SNX29: variants seen among roughly 807,000 people sequenced by gnomAD.
The protein encoded by SNX29 is sorting nexin-29.
A neutral mutation model predicts 102.1 loss-of-function variants in SNX29; 78 were observed. The observed-to-expected ratio is 0.76, with a 90% CI of 0.64 to 0.92. The LOEUF is 0.92. SNX29 is among the 40% of genes least tolerant of loss of function. The pLI, the probability that SNX29 is intolerant of heterozygous loss-of-function variation, is 0.00. For synonymous variants in SNX29, 580 were observed against 414.5 expected, an observed-to-expected ratio of 1.40 and a Z score of -4.85; for missense variants, 1,280 against 1,061.7, an observed-to-expected ratio of 1.21 and a Z score of -2.86.
At chr16:12,125,024 G>T (rs888942987) in intron 11 of SNX29, among the ~76,000 whole-genome samples, 3 of 152,184 alleles carry the variant, frequency 2.0e-5, no homozygotes, top group Non-Finnish European at 4.4e-5. Flanking sequence ...GGGCTGCGCG[G>T]CTCAGGGGAG....
chr16:12,550,673 A>C (rs2077917649), intron 20 of SNX29, among the ~76,000 whole-genome samples: 1 of 152,152 alleles, frequency 6.6e-6, no homozygotes, highest in South Asian at 2.1e-4. Context: ...CAAGGTGGGA[A>C]GACTCACTTT....
chr16:12,326,690 G>C (rs2081130831), intron 15 of SNX29, among the ~76,000 whole-genome samples: 1 of 152,164 alleles, frequency 6.6e-6, no homozygotes, highest in African/African-American at 2.4e-5. Flanking sequence ...TTGGATTTAA[G>C]TCACTCCCAA....
At chr16:12,275,249 T>C (rs1434064970) in intron 14 of SNX29, among the ~76,000 whole-genome samples, 1 of 152,150 alleles carries the variant, frequency 6.6e-6, no homozygotes, top group East Asian at 1.9e-4. Flanking sequence ...ATTCCCTGGC[T>C]TAGAGGCACA....
chr16:12,333,981 T>C (rs1161477491), intron 15 of SNX29, among the ~76,000 whole-genome samples: 1 of 152,186 alleles, frequency 6.6e-6, no homozygotes, highest in Non-Finnish European at 1.5e-5. Flanking sequence ...GGATGTTCCT[T>C]GTCTTCCCCT....
At chr16:12,522,385 T>C (rs2151950940) in intron 19 of SNX29, among the ~76,000 whole-genome samples, 1 of 152,344 alleles carries the variant, frequency 6.6e-6, no homozygotes, top group Non-Finnish European at 1.5e-5. Flanking sequence ...TGGCAAGGCT[T>C]TGTGGGAACT....
At chr16:12,562,087 T>C (rs1465220739) in intron 20 of SNX29, among the ~76,000 whole-genome samples, 7 of 152,166 alleles carry the variant, frequency 4.6e-5, no homozygotes, top group Non-Finnish European at 8.8e-5. Context: ...CCCAGTAGTT[T>C]GAACCGCATT....
chr16:12,085,749 A>C (rs1596821627), intron 11 of SNX29, among the ~76,000 whole-genome samples: 1 of 152,232 alleles, frequency 6.6e-6, no homozygotes, highest in Admixed American at 6.5e-5. Context: ...ACTGTATGCC[A>C]TGTATGGTGC....
rs750186869 is a variant in SNX29, at chr16:12,308,549, A to C, written c.1782+30513A>C. On this transcript the variant is annotated intron_variant, in intron 15 of 20. Coordinates refer to ENST00000566228, the MANE Select transcript of SNX29 (RefSeq NM_032167.5). ...CGTCATCCCTCCTTCATGTTTGTCAACTTGTTGTGCACTCCTCCGGAGTGC... is the reference window on the plus strand; with the variant it reads ...CGTCATCCCTCCTTCATGTTTGTCACCTTGTTGTGCACTCCTCCGGAGTGC... Among the ~76,000 whole-genome samples the C allele has an allele frequency of 1.7e-4, 26 of 152,040 alleles. 1 individual carries two copies. The highest frequency in any genetic ancestry group is 3.4e-4 in the Non-Finnish European group (23 of 68,020).
intron 20 of SNX29, among the ~76,000 whole-genome samples, chr16:12,540,847 C>T (rs908749577): frequency 5.3e-5 from 8 of 152,208 alleles, no homozygotes; most frequent in Non-Finnish European, 1.0e-4. Context: ...TCGCCTCCAC[C>T]CTTTCTGAGC....
At chr16:12,213,826 G>T (rs1242245728) in intron 14 of SNX29, among the ~76,000 whole-genome samples, 1 of 152,170 alleles carries the variant, frequency 6.6e-6, no homozygotes, top group Non-Finnish European at 1.5e-5. Context: ...ACCCCAAATT[G>T]CAAGGTGGGC....
chr16:12,136,735 GTTGTTA>G (rs1410128474), intron 13 of SNX29, among the ~76,000 whole-genome samples: 4 of 151,964 alleles, frequency 2.6e-5, no homozygotes, highest in East Asian at 3.9e-4. Context: ...AAAGGTTTTT[GTTGTTA>G]TTGTTGTTGT....
intron 13 of SNX29, among the ~76,000 whole-genome samples, chr16:12,187,791 A>C (rs1227505624): frequency 2.0e-5 from 3 of 152,124 alleles, no homozygotes; most frequent in African/African-American, 7.2e-5. Context: ...TCACATTGGT[A>C]CATTAGGGTA....
At chr16:12,283,133 T>C (rs1567395111) in intron 15 of SNX29, among the ~76,000 whole-genome samples, 1 of 152,158 alleles carries the variant, frequency 6.6e-6, no homozygotes, top group Non-Finnish European at 1.5e-5. Context: ...CAACTCAATT[T>C]GTGCACATCC....
At chr16:12,542,422 G>C (rs140215152) in intron 20 of SNX29, among the ~76,000 whole-genome samples, 1 of 152,150 alleles carries the variant, frequency 6.6e-6, no homozygotes, top group Non-Finnish European at 1.5e-5. Context: ...TACAGCCTTC[G>C]CCTCCCAAGT....
At chr16:12,049,332 ACTT>A (rs1467054710) in intron 7 of SNX29, among the ~76,000 whole-genome samples, 6 of 124,658 alleles carry the variant, frequency 4.8e-5, no homozygotes, top group African/African-American at 1.6e-4. Flanking sequence ...CAATTTTTTA[ACTT>A]TTTTTTTTTT....
At chr16:11,981,229 C>A (rs569124949) in intron 1 of SNX29, among the ~76,000 whole-genome samples, 1 of 152,248 alleles carries the variant, frequency 6.6e-6, no homozygotes, top group East Asian at 1.9e-4. Context: ...CTCAGCCTCC[C>A]AAAGTGCTGG....
rs115089058 is a variant in SNX29 at position 12,309,704 on chromosome 16, G to A, written c.1782+31668G>A. Among the ~76,000 whole-genome samples the A allele has an allele frequency of 7.3e-3, 1,115 of 152,322 alleles. 15 individuals carry two copies. The highest frequency in any genetic ancestry group is 0.025 in the African/African-American group (1,058 of 41,564). ...GGTGGGTTCTCACTCGTTACTTGAA[G>A]TGAATGTGTTCAACACTCTTAAATC... On this transcript the variant is annotated intron_variant, in intron 15 of 20. Transcript: ENST00000566228.
Position 12,573,526 on chromosome 16 carries a change from T to C in SNX29, c.*4897T>C, listed in dbSNP as rs1028008918. On this transcript the variant is annotated 3_prime_UTR_variant, in exon 21 of 21. Coordinates refer to ENST00000566228, the MANE Select transcript of SNX29 (RefSeq NM_032167.5). ...TTTAAGAGGCCCAGGGATTTAGTTC[T>C]TACTGGTGCGTAAGTGTTTTCCCAT... 2.2e-5 allele frequency: 5 copies of C among 224,872 alleles called. No homozygotes were observed. The highest frequency in any genetic ancestry group is 1.1e-4 in the African/African-American group (5 of 45,030). The allele number at this position is 224,872 out of a possible 1,614,324, so 13.9% of individuals were successfully genotyped here. A position where few individuals can be genotyped will look rare whatever the true frequency, so the allele number is the denominator to read the frequency against.
chr16:12,257,018 C>T (rs1006097204), intron 14 of SNX29, among the ~76,000 whole-genome samples: 13 of 152,168 alleles, frequency 8.5e-5, no homozygotes, highest in African/African-American at 3.1e-4. Flanking sequence ...CCGTGGATTT[C>T]AATGGGCTGA....
Sources: allele counts gnomAD v4.1 joint callset (sites outside exome capture counted in the v4.1 genomes callset), GRCh38; gene constraint gnomAD v4.1.1; transcripts MANE v1.5; gene names NCBI Gene and HGNC (gene_info 2026-07-23, HGNC 2026-07-21).